RBFOX2: variants seen among roughly 807,000 people sequenced by gnomAD.
RBFOX2 encodes RNA binding fox-1 homolog 2.
In RBFOX2, 10 loss-of-function variants were observed where a neutral mutation model predicts 49.1. The observed-to-expected ratio is 0.20, with a 90% CI of 0.13 to 0.35. The LOEUF (loss-of-function observed/expected upper bound fraction) is 0.35, where lower values mean the gene tolerates loss of function less well. Among genes scored for constraint, RBFOX2 ranks in the 10% least tolerant of loss-of-function variants. The pLI is 1.00. For missense variants in RBFOX2, 323 were observed against 486.9 expected (o/e 0.66, Z 3.17); for synonymous variants, 183 against 187.4 (o/e 0.98, Z 0.19).
chr22:35,941,611 A>G (rs898368541), upstream of RBFOX2, among the ~76,000 whole-genome samples: 8 of 152,246 alleles, frequency 5.3e-5, no homozygotes, highest in East Asian at 1.5e-3. Context: ...TGAGAAGGGG[A>G]TTATCTGATT....
intron 1 of RBFOX2, among the ~76,000 whole-genome samples, chr22:36,010,072 G>A (rs1230393252): frequency 1.3e-5 from 2 of 151,888 alleles, no homozygotes; most frequent in African/African-American, 4.8e-5. Flanking sequence ...CCTCTAAATT[G>A]CCTGGGTACC....
chr22:35,787,817 G>A (rs1157138575), intron 2 of RBFOX2, among the ~76,000 whole-genome samples: 1 of 152,124 alleles, frequency 6.6e-6, no homozygotes, highest in Non-Finnish European at 1.5e-5. Context: ...TCCCTTTTGT[G>A]GTCATTATCC....
At chr22:35,781,421 G>A (rs750535467) in intron 3 of RBFOX2, among the ~76,000 whole-genome samples, 179 bp downstream of exon 4, 1 of 152,212 alleles carries the variant, frequency 6.6e-6, no homozygotes, top group Non-Finnish European at 1.5e-5. Flanking sequence ...GCAAGACTAT[G>A]TCTAGAGCAG....
chr22:35,848,980 T>C (rs2041559336), intron 1 of RBFOX2, among the ~76,000 whole-genome samples: 1 of 152,284 alleles, frequency 6.6e-6, no homozygotes, highest in South Asian at 2.1e-4. Flanking sequence ...TTTCTTACTA[T>C]AAGATATTCA....
chr22:35,901,742 T>A (rs1363164813), intron 1 of RBFOX2, among the ~76,000 whole-genome samples: 3 of 152,092 alleles, frequency 2.0e-5, no homozygotes, highest in African/African-American at 2.4e-5. Context: ...GAGCTCTTAC[T>A]CCCAGTTATT....
chr22:35,784,617 G>GAC (rs1296575782), intron 2 of RBFOX2, among the ~76,000 whole-genome samples: 2 of 152,270 alleles, frequency 1.3e-5, no homozygotes, highest in Non-Finnish European at 2.9e-5. Flanking sequence ...CTTCAATGAA[G>GAC]ACAGATGCTT....
At chr22:35,988,521 G>A (rs1272451017) in intron 1 of RBFOX2, among the ~76,000 whole-genome samples, 1 of 152,072 alleles carries the variant, frequency 6.6e-6, no homozygotes, top group African/African-American at 2.4e-5. Flanking sequence ...TTCAGTAAAA[G>A]ATTCCCAAAG....
exon 1 of RBFOX2, chr22:35,840,511 C>A (rs761763684): frequency 1.4e-4 from 179 of 1,279,264 alleles, no homozygotes; most frequent in Non-Finnish European, 1.8e-4. Flanking sequence ...GAGTAGAGCC[C>A]CACCTCTTCC....
At chr22:36,028,219 C>T in intron 1 of RBFOX2, 21 bp downstream of exon 1, 1 of 1,479,520 alleles carries the variant, frequency 6.8e-7, no homozygotes, top group South Asian at 1.3e-5. Context: ...AATAACTGGG[C>T]GCCCCGTCCC....
chr22:35,879,939 T>G (rs2045661268), intron 1 of RBFOX2, among the ~76,000 whole-genome samples: 1 of 152,178 alleles, frequency 6.6e-6, no homozygotes, highest in African/African-American at 2.4e-5. Flanking sequence ...GTGGATCACT[T>G]GAGGCCAGGA....
rs141733124 is a variant in RBFOX2, at chr22:35,949,025, T to C, written c.43-10128A>G. 6.6e-5 allele frequency among the ~76,000 whole-genome samples: 10 copies of C among 152,316 alleles called. No individual in the cohort carries two copies. The East Asian group carries it at 7.7e-4, about 12-fold the overall frequency. On this transcript the variant is annotated intron_variant, in intron 1 of 5. Coordinates refer to the RBFOX2 transcript ENST00000408983. Reference sequence around the variant, plus strand: ...CAGCATTCTACTTTGTCTCCATCAATGTGACTACTTTAAGTACCTCACGTG... The same window carrying C: ...CAGCATTCTACTTTGTCTCCATCAACGTGACTACTTTAAGTACCTCACGTG...
At chr22:35,946,719 G>A (rs2054313275) in intron 1 of RBFOX2, among the ~76,000 whole-genome samples, 1 of 152,190 alleles carries the variant, frequency 6.6e-6, no homozygotes, top group Non-Finnish European at 1.5e-5. Context: ...CTGCCTCACT[G>A]TAAGGTGTTC....
intron 2 of RBFOX2, among the ~76,000 whole-genome samples, chr22:35,791,397 A>G (rs936428080): frequency 6.6e-5 from 10 of 152,040 alleles, no homozygotes; most frequent in Non-Finnish European, 4.4e-5. Context: ...AAAAAAAAAA[A>G]AAGAAGAAAA....
intron 1 of RBFOX2, among the ~76,000 whole-genome samples, chr22:35,901,112 T>A (rs915736143): frequency 6.6e-6 from 1 of 152,244 alleles, no homozygotes; most frequent in Non-Finnish European, 1.5e-5. Flanking sequence ...GGCCCTGTTA[T>A]CTTTTTCACA....
At chr22:35,977,878 T>C (rs1230814037) in intron 1 of RBFOX2, among the ~76,000 whole-genome samples, 2 of 145,216 alleles carry the variant, frequency 1.4e-5, no homozygotes, top group African/African-American at 5.1e-5. Flanking sequence ...AGGACACAGG[T>C]AGGTGAGCAG....
chr22:36,001,640 T>C (rs948702067), intron 1 of RBFOX2, among the ~76,000 whole-genome samples: 1 of 152,016 alleles, frequency 6.6e-6, no homozygotes, highest in African/African-American at 2.4e-5. Context: ...GTGCATGCCT[T>C]AGTCCTAGCT....
intron 1 of RBFOX2, among the ~76,000 whole-genome samples, chr22:36,015,368 G>A (rs759498401): frequency 6.6e-6 from 1 of 152,134 alleles, no homozygotes; most frequent in Non-Finnish European, 1.5e-5. Context: ...ATAAGACCAG[G>A]GTCAGACTTT....
At chr22:35,814,106 G>A (rs1395378401) in intron 1 of RBFOX2, among the ~76,000 whole-genome samples, 1 of 152,166 alleles carries the variant, frequency 6.6e-6, no homozygotes, top group Non-Finnish European at 1.5e-5. Flanking sequence ...TAGTAACAGA[G>A]GCGATACATA....
intron 1 of RBFOX2, among the ~76,000 whole-genome samples, chr22:35,866,222 A>T (rs748845626): frequency 6.6e-6 from 1 of 152,248 alleles, no homozygotes; most frequent in African/African-American, 2.4e-5. Context: ...TTCAAACTGC[A>T]TAATTAAATA....
Sources: allele counts gnomAD v4.1 joint callset (sites outside exome capture counted in the v4.1 genomes callset), GRCh38; gene constraint gnomAD v4.1.1; transcripts MANE v1.5; gene names NCBI Gene and HGNC (gene_info 2026-07-23, HGNC 2026-07-21).